Variants in NTM observed in about 807,000 individuals in gnomAD.
NTM encodes the protein neurotrimin.
In NTM, 13 loss-of-function variants were observed where a neutral mutation model predicts 42.1. The observed-to-expected ratio is 0.31, with a 90% CI of 0.20 to 0.49. The LOEUF is 0.49. Ranked by LOEUF, NTM falls within the 20% of genes least tolerant of loss-of-function variation. The pLI is 0.99. For synonymous variants in NTM, 187 were observed against 179.2 expected (o/e 1.04, Z -0.35); for missense variants, 373 against 452.8 (o/e 0.82, Z 1.60).
intron 1 of NTM, among the ~76,000 whole-genome samples, chr11:131,689,122 A>C (rs1179827275): frequency 1.3e-5 from 2 of 151,876 alleles, no homozygotes; most frequent in Non-Finnish European, 2.9e-5. Context: ...AACACTCTCC[A>C]AGGATGTCTC....
rs1341749923 is a variant in NTM, at chr11:132,058,665, G to T, written c.168-87617G>T. Among the ~76,000 whole-genome samples the T allele has an allele frequency of 3.3e-5, 5 of 152,254 alleles. No individual in the cohort carries two copies. In the East Asian group the frequency reaches 9.7e-4, roughly 29 times the overall value. On this transcript the variant is annotated intron_variant, in intron 2 of 8. Transcript: ENST00000683400. ...TTTTGTGTGGGTTTGGCTGGGGCAG[G>T]GAGTTCAGAAAGGAAGAGAAGATTT...
chr11:132,141,237 G>GTCTC (rs139441309), intron 2 of NTM, among the ~76,000 whole-genome samples: 1 of 144,694 alleles, frequency 6.9e-6, no homozygotes, highest in Admixed American at 6.9e-5. Context: ...CTCTCTTTCT[G>GTCTC]TCTCTCTCTC....
chr11:131,872,449 C>T (rs1056304283), intron 1 of NTM, among the ~76,000 whole-genome samples: 5 of 152,212 alleles, frequency 3.3e-5, no homozygotes, highest in African/African-American at 1.2e-4. Flanking sequence ...CACATATTGG[C>T]TTGTTCAGCC....
rs58237274 is a variant in NTM at position 131,589,167 on chromosome 11, A to ATGTGTGTGTGTG, written c.82+218303_82+218314dup. On this transcript the variant is annotated intron_variant, in intron 1 of 8. Transcript: ENST00000683400. ...ACCATGCCACTCTTAACCTGGAAAA[A>ATGTGTGTGTGTG]TGTGTGTGTGTGTGTGTGTGTGTGT... is the stretch of plus-strand genomic sequence containing the variant. Among the ~76,000 whole-genome samples the ATGTGTGTGTGTG allele has an allele frequency of 7.8e-3, 1,118 of 143,576 alleles. 29 individuals are homozygous for ATGTGTGTGTGTG. The highest frequency in any genetic ancestry group is 0.027 in the African/African-American group (1,024 of 38,260). The allele number at this position is 143,576 out of a possible 152,430, so 94.2% of individuals were successfully genotyped here.
chr11:132,335,242 A>T lies in NTM; in HGVS notation c.*96A>T. Reference sequence around the variant, plus strand: ...ACCGACAGCAACCAATCAGATATATACAAATGAAATTAGAAGAAACACAGC... The same window carrying T: ...ACCGACAGCAACCAATCAGATATATTCAAATGAAATTAGAAGAAACACAGC... On this transcript the variant is annotated 3_prime_UTR_variant, in exon 9 of 9. Transcript: ENST00000683400. 1 of 1,326,688 alleles carries T rather than the reference A, an allele frequency of 7.5e-7. No individual in the cohort carries two copies. The highest frequency in any genetic ancestry group is 1.3e-5 in the South Asian group (1 of 74,208). 82.2% of individuals were successfully genotyped at this position (1,326,688 alleles called of 1,614,324 possible).
chr11:131,742,049 A>G (rs972352007), intron 1 of NTM, among the ~76,000 whole-genome samples: 2 of 152,176 alleles, frequency 1.3e-5, no homozygotes, highest in South Asian at 4.2e-4. Flanking sequence ...ACAGAAGAGA[A>G]CAACACACAC....
chr11:131,872,791 T>G (rs2047922270), intron 1 of NTM, among the ~76,000 whole-genome samples: 2 of 152,164 alleles, frequency 1.3e-5, no homozygotes, highest in Non-Finnish European at 2.9e-5. Context: ...TTAGACCAGA[T>G]TTATAGGGGA....
At chr11:132,022,405 A>G (rs2074483785) in intron 2 of NTM, among the ~76,000 whole-genome samples, 1 of 152,128 alleles carries the variant, frequency 6.6e-6, no homozygotes, top group South Asian at 2.1e-4. Context: ...TCAGACATTT[A>G]TATTTGTAGC....
chr11:131,504,750 C>A (rs1471844901), intron 1 of NTM, among the ~76,000 whole-genome samples: 1 of 152,076 alleles, frequency 6.6e-6, no homozygotes, highest in Non-Finnish European at 1.5e-5. Context: ...CTCCCTGGAT[C>A]TCTGTCTATT....
At chr11:131,984,718 A>G (rs2065803130) in intron 2 of NTM, 1 of 152,234 alleles carries the variant, frequency 6.6e-6, no homozygotes, top group South Asian at 2.1e-4. Flanking sequence ...TGTCAAAAGT[A>G]TCATAAGCTT....
intron 1 of NTM, among the ~76,000 whole-genome samples, chr11:131,813,130 G>A (rs2092807175): frequency 6.6e-6 from 1 of 152,156 alleles, no homozygotes; most frequent in Admixed American, 6.5e-5. Context: ...CGCCTTCGGG[G>A]GTGCTCACTG....
intron 2 of NTM, among the ~76,000 whole-genome samples, chr11:132,085,258 C>G (rs534493312): frequency 6.6e-6 from 1 of 152,288 alleles, no homozygotes; most frequent in South Asian, 2.1e-4. Context: ...TCAGTGGTCT[C>G]AATTACATGT....
intron 2 of NTM, among the ~76,000 whole-genome samples, chr11:131,958,073 G>A (rs1041836661): frequency 5.9e-5 from 9 of 152,144 alleles, no homozygotes; most frequent in African/African-American, 2.4e-5. Context: ...CCTAGATGCC[G>A]ACACCACCTC....
chr11:132,010,512 T>C (rs1205660937), intron 2 of NTM, among the ~76,000 whole-genome samples: 2 of 152,238 alleles, frequency 1.3e-5, no homozygotes, highest in Non-Finnish European at 2.9e-5. Context: ...GATTTGGTCA[T>C]GTCTCTCCTC....
intron 2 of NTM, among the ~76,000 whole-genome samples, chr11:132,108,280 C>T (rs1357328311): frequency 6.6e-6 from 1 of 152,208 alleles, no homozygotes; most frequent in Admixed American, 6.5e-5. Context: ...CTGCATGAGC[C>T]TCCTAGCTGA....
chr11:132,263,149 C>T (rs373760192), intron 4 of NTM, among the ~76,000 whole-genome samples: 14 of 152,298 alleles, frequency 9.2e-5, no homozygotes, highest in Non-Finnish European at 1.2e-4. Context: ...GGCAGTCCTG[C>T]GCCCACAGTT....
At chr11:132,173,568 G>T (rs920670795) in intron 3 of NTM, among the ~76,000 whole-genome samples, 28 of 152,182 alleles carry the variant, frequency 1.8e-4, no homozygotes, top group African/African-American at 6.8e-4. Flanking sequence ...GGATGCTAGG[G>T]TTCTAGGGAG....
chr11:132,051,481 C>G (rs140382555), intron 2 of NTM, among the ~76,000 whole-genome samples: 38 of 152,316 alleles, frequency 2.5e-4, no homozygotes, highest in African/African-American at 8.9e-4. Flanking sequence ...TACCAAGTGT[C>G]TACAGTGACC....
rs76876001 is a variant in NTM, at chr11:132,278,584, A to G, written c.527-29105A>G. Among the ~76,000 whole-genome samples the G allele has an allele frequency of 4.6e-5, 7 of 152,230 alleles. No homozygotes were observed. The East Asian group carries it at 1.4e-3, about 29-fold the overall frequency. ...AGACACAAGTGGAATGCAAGGGTGC[A>G]GGGTCATATTCTCCACCTCTCAGTG... On this transcript the variant is annotated intron_variant, in intron 4 of 8. Transcript: ENST00000683400.
Sources: gnomAD v4.1 joint callset for allele counts (sites outside exome capture counted in the v4.1 genomes callset) on GRCh38, gnomAD v4.1.1 for gene constraint, MANE v1.5 for transcripts, NCBI Gene and HGNC (gene_info 2026-07-23, HGNC 2026-07-21) for gene names.